The following PAK3 variants were observed in gnomAD, a reference collection of about 807,000 sequenced individuals.
PAK3 encodes the protein p21 (RAC1) activated kinase 3, also known as serine/threonine-protein kinase PAK 3.
Under a neutral mutation model 41.0 loss-of-function variants are expected in PAK3, and 4 were observed. The ratio of observed to expected loss-of-function variants is 0.10; its 90% CI spans 0.05 to 0.22. The LOEUF (loss-of-function observed/expected upper bound fraction) is 0.22, where lower values mean the gene tolerates loss of function less well. Among genes scored for constraint, PAK3 ranks in the 10% least tolerant of loss-of-function variants. The pLI is 1.00. For missense variants in PAK3, 205 were observed against 409.9 expected, an observed-to-expected ratio of 0.50 and a Z score of 4.32; for synonymous variants, 146 against 139.6, an observed-to-expected ratio of 1.05 and a Z score of -0.32.
chrX:110,982,690 C>A (rs1190062122), intron 1 of PAK3, among the ~76,000 whole-genome samples: 1 of 111,487 alleles, frequency 9.0e-6, no homozygotes, highest in Non-Finnish European at 1.9e-5. Flanking sequence ...AGGTCCACAA[C>A]CTGTTACTGA....
At chrX:110,999,068 A>T (rs371533570) in intron 1 of PAK3, among the ~76,000 whole-genome samples, 6 of 111,859 alleles carry the variant, frequency 5.4e-5, no homozygotes, top group African/African-American at 1.9e-4. Context: ...AATCAGGTGC[A>T]GCCAGGTGAG....
At chrX:111,212,113 A>G (rs770635733) in intron 16 of PAK3, among the ~76,000 whole-genome samples, 5 of 111,461 alleles carry the variant, frequency 4.5e-5, no homozygotes, top group Non-Finnish European at 7.5e-5. Context: ...TGGGTGAGGA[A>G]GAAGGGGGAA....
chrX:111,157,600 G>C (rs1394934524), intron 8 of PAK3, among the ~76,000 whole-genome samples: 1 of 110,357 alleles, frequency 9.1e-6, no homozygotes, highest in African/African-American at 3.3e-5. Flanking sequence ...AGACCAGCCT[G>C]ACCAACGTGG....
chrX:111,046,405 G>A (rs1689714715), intron 1 of PAK3, among the ~76,000 whole-genome samples: 1 of 111,554 alleles, frequency 9.0e-6, no homozygotes, highest in South Asian at 3.8e-4. Context: ...CCTTTACTGA[G>A]TTTCAGTTTA....
intron 4 of PAK3, among the ~76,000 whole-genome samples, chrX:111,105,522 G>A (rs1479010810): frequency 9.0e-6 from 1 of 111,396 alleles, no homozygotes; most frequent in Non-Finnish European, 1.9e-5. Flanking sequence ...CTTATCACAG[G>A]GACACAAACG....
At chrX:110,990,272 T>C (rs917550014) in intron 1 of PAK3, among the ~76,000 whole-genome samples, 1 of 112,191 alleles carries the variant, frequency 8.9e-6, no homozygotes, top group Non-Finnish European at 1.9e-5. Context: ...AGTGAGATGA[T>C]ATGTATAAGA....
chrX:111,011,633 C>T (rs1196427118), intron 1 of PAK3, among the ~76,000 whole-genome samples: 4 of 112,164 alleles, frequency 3.6e-5, no homozygotes, highest in Admixed American at 1.9e-4. Flanking sequence ...GTATTCATTG[C>T]CCTCAGTGAA....
At chrX:111,160,410 C>T (rs1303226539) in intron 8 of PAK3, among the ~76,000 whole-genome samples, 2 of 110,381 alleles carry the variant, frequency 1.8e-5, no homozygotes, top group Non-Finnish European at 3.8e-5. Context: ...GTAATTTACA[C>T]TTGAAACACA....
chrX:111,022,744 C>A (rs1408631838), intron 1 of PAK3, among the ~76,000 whole-genome samples: 3 of 111,109 alleles, frequency 2.7e-5, no homozygotes, highest in Non-Finnish European at 5.7e-5. Flanking sequence ...TACAGAATGG[C>A]AGAATAGATA....
At chrX:111,106,355 A>G (rs1227298883) in intron 4 of PAK3, among the ~76,000 whole-genome samples, 1 of 111,931 alleles carries the variant, frequency 8.9e-6, no homozygotes, top group Non-Finnish European at 1.9e-5. Flanking sequence ...TCACACAGGC[A>G]ATTACTGATA....
chrX:111,015,759 G>A (rs1010357597), intron 1 of PAK3, among the ~76,000 whole-genome samples: 6 of 112,073 alleles, frequency 5.4e-5, no homozygotes, highest in African/African-American at 1.9e-4. Flanking sequence ...TTGGAGAAAT[G>A]CCCATTCAAA....
intron 5 of PAK3, among the ~76,000 whole-genome samples, chrX:111,131,023 G>A (rs1381126758): frequency 9.0e-6 from 1 of 111,653 alleles, no homozygotes; most frequent in Non-Finnish European, 1.9e-5. Flanking sequence ...GGTAGTTGAA[G>A]ACTATACTGC....
intron 4 of PAK3, among the ~76,000 whole-genome samples, chrX:111,103,829 C>A (rs1422166162): frequency 9.0e-6 from 1 of 111,637 alleles, no homozygotes; most frequent in African/African-American, 3.3e-5. Flanking sequence ...CAAACCTTCC[C>A]TCTGCTTTCC....
chrX:111,182,848 T>C (rs2149281611), intron 11 of PAK3, among the ~76,000 whole-genome samples: 1 of 111,711 alleles, frequency 9.0e-6, no homozygotes, highest in Non-Finnish European at 1.9e-5. Context: ...AGCCACATGA[T>C]CAATCTTAAT....
chrX:111,218,453 C>T (rs1467222570), intron 17 of PAK3, among the ~76,000 whole-genome samples: 1 of 111,944 alleles, frequency 8.9e-6, no homozygotes, highest in Non-Finnish European at 1.9e-5. Flanking sequence ...CTTCTGTTAG[C>T]TAGGGGTGAT....
chrX:111,183,566 C>G, intron 11 of PAK3, among the ~76,000 whole-genome samples: 1 of 111,261 alleles, frequency 9.0e-6, no homozygotes, highest in Non-Finnish European at 1.9e-5. Context: ...CACTTCTTCA[C>G]CCTTCTTTTC....
chrX:111,081,381 A>G (rs1165300054), intron 1 of PAK3, among the ~76,000 whole-genome samples: 1 of 110,786 alleles, frequency 9.0e-6, no homozygotes, highest in Non-Finnish European at 1.9e-5. Flanking sequence ...GTGGTGGCAC[A>G]TGCCTGTACT....
chrX:111,072,243 C>T (rs1309827796), intron 1 of PAK3, among the ~76,000 whole-genome samples: 1 of 112,776 alleles, frequency 8.9e-6, no homozygotes, highest in African/African-American at 3.2e-5. Context: ...AACCACTTAT[C>T]CAAAATCCTT....
intron 8 of PAK3, among the ~76,000 whole-genome samples, chrX:111,153,770 A>G (rs141113637): frequency 0.013 from 1,401 of 111,825 alleles, 31 homozygotes; most frequent in African/African-American, 0.044. Context: ...GGTATTAACC[A>G]TATGATCTAG....
Sources: gnomAD v4.1 joint callset for allele counts (sites outside exome capture counted in the v4.1 genomes callset) on GRCh38, gnomAD v4.1.1 for gene constraint, MANE v1.5 for transcripts, NCBI Gene and HGNC (gene_info 2026-07-23, HGNC 2026-07-21) for gene names.